CACNA1B: variants seen among roughly 807,000 people sequenced by gnomAD.
CACNA1B encodes calcium voltage-gated channel subunit alpha1 B, also known as voltage-dependent N-type calcium channel subunit alpha-1B.
CACNA1B carries 70 observed loss-of-function variants against 247.2 expected under a neutral mutation model. The ratio of observed to expected loss-of-function variants is 0.28; its 90% CI spans 0.23 to 0.35. CACNA1B has a LOEUF of 0.35. Among genes scored for constraint, CACNA1B ranks in the 10% least tolerant of loss-of-function variants. CACNA1B has a pLI of 1.00. For synonymous variants in CACNA1B, 1,231 were observed against 1,294.4 expected (o/e 0.95, Z 1.05); for missense variants, 2,367 against 3,197.4 (o/e 0.74, Z 6.26).
intron 36 of CACNA1B, among the ~76,000 whole-genome samples, chr9:138,084,078 G>A (rs1280072564): frequency 4.6e-5 from 7 of 150,946 alleles, no homozygotes; most frequent in Non-Finnish European, 8.8e-5. Context: ...CCCAGGAGTA[G>A]AATCACAGCT....
At chr9:138,028,689 AAG>A (rs1027377484) in intron 20 of CACNA1B, among the ~76,000 whole-genome samples, 17 of 152,214 alleles carry the variant, frequency 1.1e-4, no homozygotes, top group African/African-American at 3.6e-4. Context: ...CCAGAGGAGA[AAG>A]AGAAGTTTTG....
chr9:138,116,426 G>A (rs1407154597), intron 42 of CACNA1B, among the ~76,000 whole-genome samples: 1 of 152,074 alleles, frequency 6.6e-6, no homozygotes, highest in Non-Finnish European at 1.5e-5. Flanking sequence ...CAAATCTCAG[G>A]ACCCAGATCC....
At chr9:138,063,298 G>A (rs1959798869) in intron 31 of CACNA1B, among the ~76,000 whole-genome samples, 1 of 152,198 alleles carries the variant, frequency 6.6e-6, no homozygotes, top group Non-Finnish European at 1.5e-5. Flanking sequence ...TTGGAGACTA[G>A]CCTAGGCAAG....
chr9:137,954,898 GA>G lies in CACNA1B; in HGVS notation c.1071-799del, dbSNP rs1409028264. ...TGTGTGTGAGAGAGAGAGAGAGAGA[GA>G]GAGGGGGAGAGAGAGAGAGAGAGAA... On this transcript the variant is annotated intron_variant, in intron 7 of 46. Coordinates refer to ENST00000371372, the MANE Select transcript of CACNA1B (RefSeq NM_000718.4). The surrounding 1 kb of genome is among the most constrained non-coding windows in gnomAD (Gnocchi z 4.1). Among the ~76,000 whole-genome samples the G allele has an allele frequency of 3.3e-5, 5 of 151,292 alleles. No individual in the cohort carries two copies. Among genetic ancestry groups the G allele is most frequent in the Middle Eastern group, 3.4e-3 (1 of 294 alleles).
Position 138,117,999 on chromosome 9 carries a change from C to T in CACNA1B, c.5831C>T (p.Thr1944Ile), listed in dbSNP as rs766783256. The change falls in exon 43 of 47, where the codon ACC (threonine) becomes ATC (isoleucine). Residue 1944 changes from threonine (T) to isoleucine (I), a missense_variant. Around this residue, in one of 12 missense-constraint regions of CACNA1B, gnomAD observed 773 missense variants for 779.4 expected, o/e 0.99. Transcript: ENST00000371372. The stretch of plus-strand genomic sequence containing the variant: ...TCTGTCTCCTGGGGCACTCAAAGGA[C>T]CCAGGATGCACCCCATGAGGCCAGG... ...KESVSWGTQR[T>I]QDAPHEARPP... The T allele has an allele frequency of 2.5e-6, 4 of 1,600,988 alleles. No individual in the cohort carries two copies. The highest frequency in any genetic ancestry group is 3.4e-6 in the Non-Finnish European group (4 of 1,173,316).
In CACNA1B at chr9:138,072,843, C is replaced by G. The variant is rs1291957590; in HGVS notation, c.4675-645C>G. On this transcript the variant is annotated intron_variant, in intron 32 of 46. Transcript: ENST00000371372. The surrounding 1 kb of genome is among the most constrained non-coding windows in gnomAD (Gnocchi z 4.5). ...ACTAGACAGCCTGGGCTCTCTAGAG[C>G]AGAGGCCTGTTTGACCGTGAATTGC... 1.3e-5 allele frequency among the ~76,000 whole-genome samples: 2 copies of G among 152,234 alleles called. No homozygotes were observed. The highest frequency in any genetic ancestry group is 1.9e-4 in the East Asian group (1 of 5,202).
intron 15 of CACNA1B, among the ~76,000 whole-genome samples, chr9:137,999,646 G>T (rs1429335913): frequency 6.6e-6 from 1 of 151,674 alleles, no homozygotes; most frequent in Non-Finnish European, 1.5e-5. Context: ...AGTAGCTGGG[G>T]CCATAGGCAC....
At chr9:137,943,520 G>C (rs1243776442) in intron 6 of CACNA1B, among the ~76,000 whole-genome samples, 1 of 151,922 alleles carries the variant, frequency 6.6e-6, no homozygotes, top group Non-Finnish European at 1.5e-5. Context: ...TCTGTGTTTT[G>C]GTGTAGGGTA....
intron 20 of CACNA1B, among the ~76,000 whole-genome samples, chr9:138,033,747 G>A (rs553123123): frequency 3.3e-5 from 5 of 152,234 alleles, no homozygotes; most frequent in South Asian, 4.1e-4. Flanking sequence ...CAGAGTGAGC[G>A]CAAGACACTT....
Position 138,023,828 on chromosome 9 carries a change from GC to G in CACNA1B, c.3068+18del. ...CCAGCCCCGGTGAGTCCGCGGCTGG[GC>G]GGGGTCAGGGAGGGAAGGGTTGGCC... On this transcript the variant is annotated intron_variant, in intron 19 of 46. Coordinates refer to ENST00000371372, the MANE Select transcript of CACNA1B (RefSeq NM_000718.4). 1 of 1,243,142 alleles carries G rather than the reference GC, an allele frequency of 8.0e-7. No homozygotes were observed. The highest frequency in any genetic ancestry group is 1.5e-5 in the African/African-American group (1 of 66,944). 77.0% of individuals were successfully genotyped at this position (1,243,142 alleles called of 1,614,324 possible). A position where few individuals can be genotyped will look rare whatever the true frequency, so the allele number is the denominator to read the frequency against.
chr9:137,885,319 G>A lies in CACNA1B; in HGVS notation c.530+2436G>A, dbSNP rs1564872342. On this transcript the variant is annotated intron_variant, in intron 3 of 46. Transcript: ENST00000371372. Reference sequence around the variant, plus strand: ...CACCTGGGGACACGTGAACCCCTGTGTGCGTATCTGTGTGTGGAGGGGGCT... The same window carrying A: ...CACCTGGGGACACGTGAACCCCTGTATGCGTATCTGTGTGTGGAGGGGGCT... Among the ~76,000 whole-genome samples, 3 of 152,186 alleles carry A rather than the reference G, an allele frequency of 2.0e-5. No homozygotes were observed. In the South Asian group the frequency reaches 6.2e-4, roughly 31 times the overall value.
chr9:138,119,134 C>G (rs1018068303), intron 44 of CACNA1B, among the ~76,000 whole-genome samples: 1 of 152,098 alleles, frequency 6.6e-6, no homozygotes, highest in Non-Finnish European at 1.5e-5. Context: ...AACCCCCACT[C>G]TCATCCAGAA....
At chr9:138,029,963 G>A (rs1043175726) in intron 20 of CACNA1B, among the ~76,000 whole-genome samples, 1 of 152,136 alleles carries the variant, frequency 6.6e-6, no homozygotes, top group African/African-American at 2.4e-5. Context: ...GCTTATATTT[G>A]TGCTAGGTGT....
At position 138,011,367 on chromosome 9, in the gene CACNA1B, C is replaced by A. The variant is rs752159431; in HGVS notation, c.2160+1290C>A. Reference sequence around the variant, plus strand: ...CACATACATGTACCCTCATTGGTGGCCCCCCTTTTGTGTAACTGGCCTCAT... The same window carrying A: ...CACATACATGTACCCTCATTGGTGGACCCCCTTTTGTGTAACTGGCCTCAT... On this transcript the variant is annotated intron_variant, in intron 17 of 46. Transcript: ENST00000371372. This position sits in a 1 kb window ranked among gnomAD's most constrained non-coding sequence, Gnocchi z 4.2. Among the ~76,000 whole-genome samples, 1 of 152,160 alleles carries A rather than the reference C, an allele frequency of 6.6e-6. No individual in the cohort carries two copies. The highest frequency in any genetic ancestry group is 1.5e-5 in the Non-Finnish European group (1 of 68,030).
intron 19 of CACNA1B, 67 bp from the exon 20 acceptor site, chr9:138,024,888 C>A: frequency 8.8e-7 from 1 of 1,138,216 alleles, no homozygotes; most frequent in Non-Finnish European, 1.3e-6. Flanking sequence ...CCTGCCTCTG[C>A]CTCCCGGTGC....
chr9:138,054,618 G>C lies in CACNA1B; in HGVS notation c.3968+612G>C, dbSNP rs909256149. ...CCGTGTGACTGATGGGCACTTGGCT[G>C]TTTGCAGCTGGGAATGCTGCACGTG... On this transcript the variant is annotated intron_variant, in intron 26 of 46. Transcript: ENST00000371372. This position sits in a 1 kb window ranked among gnomAD's most constrained non-coding sequence, Gnocchi z 4.6. 6.6e-6 allele frequency among the ~76,000 whole-genome samples: 1 copy of C among 152,236 alleles called. No homozygotes were observed. The highest frequency in any genetic ancestry group is 2.4e-5 in the African/African-American group (1 of 41,452).
At chr9:138,056,511 T>C (rs1193848105) in intron 26 of CACNA1B, among the ~76,000 whole-genome samples, 3 of 152,266 alleles carry the variant, frequency 2.0e-5, no homozygotes, top group Non-Finnish European at 4.4e-5. Context: ...TTGTGGCTGT[T>C]ATAAATGATG....
At chr9:138,120,115 C>T (rs202225633) in intron 44 of CACNA1B, 50 bp from the exon 45 acceptor site, 498 of 1,476,820 alleles carry the variant, frequency 3.4e-4, no homozygotes, top group Admixed American at 2.1e-3. Context: ...CCTGCATTCC[C>T]GCTGACCCTG....
In CACNA1B at chr9:138,074,009, C is replaced by T. The variant is rs1013977561; in HGVS notation, c.4800C>T (p.Pro1600=). Reference sequence around the variant, plus strand: ...GGCCCCTGTCTCCGCAGGCCCTGCCCTACGTGTGTCTGCTCATTGCCATGC... The same window carrying T: ...GGCCCCTGTCTCCGCAGGCCCTGCCTTACGTGTGTCTGCTCATTGCCATGC... ...WTFVQSFKAL[P]YVCLLIAMLF... is the part of the protein sequence containing the mutation. Residue 1600 remains proline (P), a synonymous_variant, in exon 34 of 47, where the codon CCC becomes CCT. Coordinates refer to ENST00000371372, the MANE Select transcript of CACNA1B (RefSeq NM_000718.4). 1 of 1,611,950 alleles carries T rather than the reference C, an allele frequency of 6.2e-7. No homozygotes were observed. The highest frequency in any genetic ancestry group is 1.3e-5 in the African/African-American group (1 of 74,914).
Sources: allele counts gnomAD v4.1 joint callset (sites outside exome capture counted in the v4.1 genomes callset), GRCh38; gene constraint gnomAD v4.1.1; regional missense constraint gnomAD v4.1.1; non-coding constraint Gnocchi (gnomAD v3.1); transcripts MANE v1.5; gene names NCBI Gene and HGNC (gene_info 2026-07-23, HGNC 2026-07-21).